Variants in NSD2 observed in about 807,000 individuals in gnomAD.
The protein encoded by NSD2 is nuclear receptor binding SET domain protein 2.
In NSD2, 12 loss-of-function variants were observed where a neutral mutation model predicts 139.0. The observed-to-expected ratio is 0.09, with a 90% CI of 0.06 to 0.14. NSD2 has a LOEUF of 0.14. Among genes scored for constraint, NSD2 ranks in the 10% least tolerant of loss-of-function variants. The pLI is 1.00. For missense variants in NSD2, 1,155 were observed against 1,745.0 expected, an observed-to-expected ratio of 0.66 and a Z score of 6.02; for synonymous variants, 669 against 648.7, an observed-to-expected ratio of 1.03 and a Z score of -0.48.
intron 8 of NSD2, 48 bp downstream of exon 8, chr4:1,938,580 T>C: frequency 1.8e-6 from 1 of 559,196 alleles, no homozygotes; most frequent in South Asian, 1.5e-5. Flanking sequence ...GTGCCCAGGC[T>C]GGGCTGGGTG....
At chr4:1,911,537 G>A (rs1009363081) in intron 3 of NSD2, among the ~76,000 whole-genome samples, 2 of 138,442 alleles carry the variant, frequency 1.4e-5, no homozygotes, top group Admixed American at 8.2e-5. Flanking sequence ...GCAGTGACCC[G>A]AGATCGCAGT....
intron 1 of NSD2, among the ~76,000 whole-genome samples, chr4:1,886,311 A>G (rs933677339): frequency 2.0e-5 from 3 of 152,082 alleles, no homozygotes; most frequent in South Asian, 2.1e-4. Context: ...GGCTCAGGCA[A>G]TTCTCGTGCC....
chr4:1,962,749 C>G (rs541647938), intron 18 of NSD2, among the ~76,000 whole-genome samples: 11 of 152,302 alleles, frequency 7.2e-5, no homozygotes, highest in African/African-American at 2.6e-4. Flanking sequence ...TAGTTCACTG[C>G]AGCCTCGATC....
chr4:1,943,952 C>T, intron 9 of NSD2: 1 of 1,064,708 alleles, frequency 9.4e-7, no homozygotes, highest in Non-Finnish European at 1.1e-6. Flanking sequence ...ATAGGTGCTC[C>T]CTCTATATTA....
chr4:1,942,797 A>G lies in NSD2; in HGVS notation c.1881+3019A>G. ...GGAAAATATCAGCGTCGCTACCCTC[A>G]GAAACAAACTAACAGCACACGTTAG... is the stretch of plus-strand genomic sequence containing the variant. On this transcript the variant is annotated intron_variant, in intron 9 of 21. Coordinates refer to ENST00000508803, the MANE Select transcript of NSD2 (RefSeq NM_001042424.3). The surrounding 1 kb of genome is among the most constrained non-coding windows in gnomAD (Gnocchi z 4.0). 1 of 1,078,042 alleles carries G rather than the reference A, an allele frequency of 9.3e-7. No homozygotes were observed. The highest frequency in any genetic ancestry group is 4.8e-5 in the Admixed American group (1 of 20,850). The allele number at this position is 1,078,042 out of a possible 1,614,324, so 66.8% of individuals were successfully genotyped here.
In NSD2 at chr4:1,938,470, A is replaced by G; in HGVS notation, c.1694A>G (p.Lys565Arg). ...SLRKRDTITD[K>R]TARTSSYKAM... Reference sequence around the variant, plus strand: ...TAATAGAGAGACACAATCACTGACAAAACGGCCAGAACAAGCTCTTACAAG... The same window carrying G: ...TAATAGAGAGACACAATCACTGACAGAACGGCCAGAACAAGCTCTTACAAG... The change falls in exon 8 of 22, where the codon AAA (lysine) becomes AGA (arginine). Residue 565 changes from lysine to arginine, a missense_variant. Coordinates refer to ENST00000508803, the MANE Select transcript of NSD2 (RefSeq NM_001042424.3). The G allele has an allele frequency of 1.3e-6, 2 of 1,586,592 alleles. No individual in the cohort carries two copies. Among genetic ancestry groups the G allele is most frequent in the South Asian group, 1.1e-5 (1 of 88,308 alleles).
chr4:1,975,137 A>C (rs1662552720), intron 19 of NSD2, 133 bp downstream of exon 19: 14 of 1,478,296 alleles, frequency 9.5e-6, no homozygotes, highest in Non-Finnish European at 1.3e-5. Context: ...TTTTGGTTTG[A>C]ATATCTCTTT....
chr4:1,912,614 A>AT (rs1211360252), intron 3 of NSD2, among the ~76,000 whole-genome samples: 1 of 151,234 alleles, frequency 6.6e-6, no homozygotes, highest in Non-Finnish European at 1.5e-5. Flanking sequence ...TTATATAGTT[A>AT]TTTTTTCTCC....
At chr4:1,939,882 G>A (rs984886760) in intron 9 of NSD2, 104 bp downstream of exon 9, 85 of 1,588,134 alleles carry the variant, frequency 5.4e-5, no homozygotes, top group Middle Eastern at 1.7e-4. Context: ...CGCAGCATTG[G>A]TGCTCACTGC....
chr4:1,929,208 C>G (rs1721329317), intron 5 of NSD2, among the ~76,000 whole-genome samples: 1 of 151,976 alleles, frequency 6.6e-6, no homozygotes, highest in African/African-American at 2.4e-5. Context: ...AAGAGGGCAA[C>G]AAGAGCCTCC....
At chr4:1,906,750 T>G (rs1717970782) in intron 3 of NSD2, among the ~76,000 whole-genome samples, 1 of 150,718 alleles carries the variant, frequency 6.6e-6, no homozygotes, top group South Asian at 2.1e-4. Context: ...AACCTCTGCT[T>G]CCTGGGTTCA....
Position 1,942,238 on chromosome 4 carries a change from A to C in NSD2, c.1881+2460A>C. On this transcript the variant is annotated intron_variant, in intron 9 of 21. Coordinates refer to ENST00000508803, the MANE Select transcript of NSD2 (RefSeq NM_001042424.3). The surrounding 1 kb of genome is among the most constrained non-coding windows in gnomAD (Gnocchi z 4.0). The stretch of plus-strand genomic sequence containing the variant: ...TTAAAATTACACACTTGCATGACAA[A>C]GGCCTGTGAAGGAATTAATGTGATT... 1 of 1,541,818 alleles carries C rather than the reference A, an allele frequency of 6.5e-7. No homozygotes were observed. Among genetic ancestry groups the C allele is most frequent in the Non-Finnish European group, 8.7e-7 (1 of 1,147,682 alleles).
In NSD2 at chr4:1,900,647, T is replaced by C; in HGVS notation, c.-8T>C. 1 of 1,557,666 alleles carries C rather than the reference T, an allele frequency of 6.4e-7. No individual in the cohort carries two copies. ...ATAGTGTTCTAAGAACGGAAGCATC[T>C]GGGCTGGATGGAATTTAGCATCAAG... is the stretch of plus-strand genomic sequence containing the variant. On this transcript the variant is annotated 5_prime_UTR_variant, in exon 2 of 22. Transcript: ENST00000508803.
intron 18 of NSD2, among the ~76,000 whole-genome samples, chr4:1,967,123 G>T (rs1475759973): frequency 6.6e-6 from 1 of 152,088 alleles, no homozygotes; most frequent in East Asian, 1.9e-4. Context: ...AAATAAAAAA[G>T]GATTATAAGA....
chr4:1,898,762 A>C (rs1352439764), intron 1 of NSD2, among the ~76,000 whole-genome samples: 2 of 149,316 alleles, frequency 1.3e-5, no homozygotes, highest in Non-Finnish European at 3.0e-5. Flanking sequence ...GCTTGGAATC[A>C]GCCTGGAATT....
At chr4:1,959,353 C>T in intron 16 of NSD2, 118 bp from the exon 17 acceptor site, 1 of 1,205,908 alleles carries the variant, frequency 8.3e-7, no homozygotes, top group Non-Finnish European at 1.2e-6. Context: ...CTAGCCAGGA[C>T]TCTGAAGCTT....
chr4:1,889,946 TC>T (rs1209678282), intron 1 of NSD2, among the ~76,000 whole-genome samples: 1 of 152,206 alleles, frequency 6.6e-6, no homozygotes, highest in Non-Finnish European at 1.5e-5. Flanking sequence ...AAACATTTCA[TC>T]AGCTCAGTAA....
Position 1,871,858 on chromosome 4 carries a change from C to T in NSD2, c.-30+316C>T, listed in dbSNP as rs1243656893. Among the ~76,000 whole-genome samples the T allele has an allele frequency of 1.8e-4, 20 of 108,656 alleles. 1 individual carries two copies. The South Asian group carries it at 5.5e-3, about 30-fold the overall frequency. The allele number at this position is 108,656 out of a possible 152,430, so 71.3% of individuals were successfully genotyped here. A position where few individuals can be genotyped will look rare whatever the true frequency, so the allele number is the denominator to read the frequency against. On this transcript the variant is annotated intron_variant, in intron 1 of 21. Transcript: ENST00000508803. ...GGGAGGGGCGGCGGCCTGCGGGCGG[C>T]GGCGGCTAACGGGGCCGGGCGGGCG...
chr4:1,904,393 G>T lies in NSD2; in HGVS notation c.760+15G>T. 1 of 1,589,110 alleles carries T rather than the reference G, an allele frequency of 6.3e-7. No homozygotes were observed. The highest frequency in any genetic ancestry group is 8.6e-7 in the Non-Finnish European group (1 of 1,165,986). On this transcript the variant is annotated intron_variant, in intron 3 of 21. Coordinates refer to ENST00000508803, the MANE Select transcript of NSD2 (RefSeq NM_001042424.3). ...CAAACTTAAAGGTATTGTGTTCTTT[G>T]GGTTGTTTTTCCAACTTTCTCTTCT...
Sources: allele counts gnomAD v4.1 joint callset (sites outside exome capture counted in the v4.1 genomes callset), GRCh38; gene constraint gnomAD v4.1.1; non-coding constraint Gnocchi (gnomAD v3.1); transcripts MANE v1.5; gene names NCBI Gene and HGNC (gene_info 2026-07-23, HGNC 2026-07-21).